Variants in PIP5KL1 observed in about 807,000 individuals in gnomAD.
The protein encoded by PIP5KL1 is phosphatidylinositol 4-phosphate 5-kinase-like protein 1.
Under a neutral mutation model 47.6 loss-of-function variants are expected in PIP5KL1, and 45 were observed. The observed-to-expected ratio is 0.94, with a 90% CI of 0.74 to 1.21. The LOEUF is 1.21. PIP5KL1 is among the 50% of genes most tolerant of loss of function. PIP5KL1 has a pLI of 0.00. For synonymous variants in PIP5KL1, 256 were observed against 234.6 expected (o/e 1.09, Z -0.84); for missense variants, 577 against 547.6 (o/e 1.05, Z -0.54).
In PIP5KL1 at chr9:127,921,996, C is replaced by T. The variant is rs1831289070; in HGVS notation, c.1036G>A (p.Val346Ile). The T allele has an allele frequency of 2.5e-6, 4 of 1,577,432 alleles. No homozygotes were observed. The highest frequency in any genetic ancestry group is 3.4e-6 in the Non-Finnish European group (4 of 1,162,764). ...CCGTAGACTGTGGCGAGATCCACGA[C>T]GCCCAGGAAATAGCGCTGCTCGGGC... ...DGPEQRYFLG[V>I]VDLATVYGLR... Residue 346 changes from valine (V) to isoleucine (I), a missense_variant, in exon 10 of 10, where the codon GTC becomes ATC. By Grantham distance (29) the Val-to-Ile change is conservative (BLOSUM62 3). Coordinates refer to ENST00000388747, the MANE Select transcript of PIP5KL1 (RefSeq NM_001135219.2).
chr9:127,927,368 A>T lies in PIP5KL1; in HGVS notation c.560-37T>A, dbSNP rs931957962. On this transcript the variant is annotated intron_variant, in intron 5 of 9. Transcript: ENST00000388747. This position sits in a 1 kb window ranked among gnomAD's most constrained non-coding sequence, Gnocchi z 5.5. ...GAGGGCGCCGGATGAGGATCCCCAAACTCCACAACCCGGGGTGCATCCGGC... is the reference window on the plus strand; with the variant it reads ...GAGGGCGCCGGATGAGGATCCCCAATCTCCACAACCCGGGGTGCATCCGGC... 2.5e-6 allele frequency: 4 copies of T among 1,586,994 alleles called. No individual in the cohort carries two copies. In the Admixed American group the frequency reaches 7.0e-5, roughly 28 times the overall value.
In PIP5KL1 at chr9:127,925,204, C is replaced by G. The variant is rs746158922; in HGVS notation, c.820G>C (p.Glu274Gln). 1 of 1,614,054 alleles carries G rather than the reference C, an allele frequency of 6.2e-7. No individual in the cohort carries two copies. The highest frequency in any genetic ancestry group is 2.2e-5 in the East Asian group (1 of 44,886). Residue 274 changes from glutamate (E) to glutamine (Q), a missense_variant, in exon 9 of 10, where the codon GAG (glutamate) becomes CAG (glutamine). Physicochemically the swap from Glu to Gln is conservative, Grantham distance 29. Transcript: ENST00000388747. ...AGGCTGTAATCCAGCACGTTGAGCT[C>G]CCGGAGGAAGGTGGTATCCAGTTCC... Reference protein sequence around the residue: ...QMELDTTFLRELNVLDYSLLI... With the variant: ...QMELDTTFLRQLNVLDYSLLI...
In PIP5KL1 at chr9:127,928,174, G is replaced by A; in HGVS notation, c.325C>T (p.Arg109Cys). 6.5e-7 allele frequency: 1 copy of A among 1,539,938 alleles called. No individual in the cohort carries two copies. Among genetic ancestry groups the A allele is most frequent in the Middle Eastern group, 1.7e-4 (1 of 5,774 alleles). Residue 109 changes from arginine to cysteine, a missense_variant, in exon 4 of 10, where the codon CGC becomes TGC. Coordinates refer to ENST00000388747, the MANE Select transcript of PIP5KL1 (RefSeq NM_001135219.2). ...TLAGPAFAWL[R>C]RSLGLAEEDY... ...TCCTCCGCCAGGCCCAGGGAGCGGC[G>A]CAGCCAGGCAAAGGCGGGGCCGGCC... is the stretch of plus-strand genomic sequence containing the variant.
chr9:127,929,630 A>G lies in PIP5KL1; in HGVS notation c.228+58T>C, dbSNP rs985357491. On this transcript the variant is annotated intron_variant, in intron 2 of 9. Coordinates refer to ENST00000388747, the MANE Select transcript of PIP5KL1 (RefSeq NM_001135219.2). The surrounding 1 kb of genome is among the most constrained non-coding windows in gnomAD (Gnocchi z 4.0). ...ACCTGCAGTTTCAGCCAGACAGGGC[A>G]TCAGCCAAGTCTTGCCATTGCTGGT... 98 of 1,447,630 alleles carry G rather than the reference A, an allele frequency of 6.8e-5. No homozygotes were observed. In the African/African-American group the frequency reaches 1.4e-3, roughly 20 times the overall value. 89.7% of individuals were successfully genotyped at this position (1,447,630 alleles called of 1,614,324 possible). A position where few individuals can be genotyped will look rare whatever the true frequency, so the allele number is the denominator to read the frequency against.
intron 3 of PIP5KL1, 56 bp downstream of exon 3, chr9:127,928,377 G>T: frequency 1.9e-6 from 3 of 1,559,260 alleles, no homozygotes; most frequent in Non-Finnish European, 2.6e-6. Flanking sequence ...GAAAACTGCA[G>T]AGGAGAGAGC....
At position 127,925,181 on chromosome 9, in the gene PIP5KL1, G is replaced by A. The variant is rs752505484; in HGVS notation, c.843C>T (p.Ser281=). The A allele has an allele frequency of 1.9e-6, 3 of 1,614,158 alleles. No homozygotes were observed. Among genetic ancestry groups the A allele is most frequent in the Non-Finnish European group, 2.5e-6 (3 of 1,180,038 alleles). Reference sequence around the variant, plus strand: ...GGAGACGTTGGAAGGCTATCAGGAGGCTGTAATCCAGCACGTTGAGCTCCC... The same window carrying A: ...GGAGACGTTGGAAGGCTATCAGGAGACTGTAATCCAGCACGTTGAGCTCCC... ...FLRELNVLDY[S]LLIAFQRLHE... Residue 281 remains serine, a synonymous_variant, in exon 9 of 10, where the codon AGC becomes AGT. Coordinates refer to ENST00000388747, the MANE Select transcript of PIP5KL1 (RefSeq NM_001135219.2).
At chr9:127,928,811 G>T in intron 2 of PIP5KL1, 1 of 380,188 alleles carries the variant, frequency 2.6e-6, no homozygotes, top group South Asian at 3.4e-5. Context: ...CCAGTACAAG[G>T]GGGTGGCCCT....
At position 127,929,707 on chromosome 9, in the gene PIP5KL1, G is replaced by A; in HGVS notation, c.209C>T (p.Ser70Phe). ...QAGLWAATQV[S>F]MDHPPTGPPS... ...ACTCACCGTGGGTGGGTGGTCCATG[G>A]AGACCTGGGTGGCAGCCCACAGCCC... The change falls in exon 2 of 10, where the codon TCC becomes TTC. Residue 70 changes from serine to phenylalanine, a missense_variant. Coordinates refer to ENST00000388747, the MANE Select transcript of PIP5KL1 (RefSeq NM_001135219.2). The surrounding 1 kb of genome is among the most constrained non-coding windows in gnomAD (Gnocchi z 4.0). 1 of 1,580,296 alleles carries A rather than the reference G, an allele frequency of 6.3e-7. No individual in the cohort carries two copies. Among genetic ancestry groups the A allele is most frequent in the Non-Finnish European group, 8.6e-7 (1 of 1,160,966 alleles).
In PIP5KL1 at chr9:127,929,710, A is replaced by T; in HGVS notation, c.206T>A (p.Val69Asp). ...MQAGLWAATQVSMDHPPTGPP... is the reference protein window; with the variant it reads ...MQAGLWAATQDSMDHPPTGPP... ...CACCGTGGGTGGGTGGTCCATGGAGACCTGGGTGGCAGCCCACAGCCCTGC... is the reference window on the plus strand; with the variant it reads ...CACCGTGGGTGGGTGGTCCATGGAGTCCTGGGTGGCAGCCCACAGCCCTGC... The change falls in exon 2 of 10, where the codon GTC becomes GAC. Residue 69 changes from valine (V) to aspartate (D), a missense_variant. Coordinates refer to ENST00000388747, the MANE Select transcript of PIP5KL1 (RefSeq NM_001135219.2). The surrounding 1 kb of genome is among the most constrained non-coding windows in gnomAD (Gnocchi z 4.0). The T allele has an allele frequency of 6.3e-7, 1 of 1,582,026 alleles. No homozygotes were observed. Among genetic ancestry groups the T allele is most frequent in the South Asian group, 1.2e-5 (1 of 86,850 alleles).
chr9:127,923,404 G>A (rs1340832655), intron 9 of PIP5KL1, among the ~76,000 whole-genome samples: 5 of 152,372 alleles, frequency 3.3e-5, no homozygotes, highest in Admixed American at 2.6e-4. Flanking sequence ...GAACTGGGTT[G>A]GGGTGGGGCT....
rs956601021 is a variant in PIP5KL1, at chr9:127,921,002, C to G, written c.*845G>C. The G allele has an allele frequency of 6.6e-6, 1 of 152,316 alleles. No individual in the cohort carries two copies. Among genetic ancestry groups the G allele is most frequent in the Non-Finnish European group, 1.5e-5 (1 of 68,116 alleles). 9.4% of individuals were successfully genotyped at this position (152,316 alleles called of 1,614,324 possible). On this transcript the variant is annotated 3_prime_UTR_variant, in exon 10 of 10. Coordinates refer to ENST00000388747, the MANE Select transcript of PIP5KL1 (RefSeq NM_001135219.2). ...TTGCTCCAGTCACACAGCCAGGCCCCGGAGCAGTTCTGGAGGAAAGGCCCG... is the reference window on the plus strand; with the variant it reads ...TTGCTCCAGTCACACAGCCAGGCCCGGGAGCAGTTCTGGAGGAAAGGCCCG...
chr9:127,926,103 A>C, intron 7 of PIP5KL1, 124 bp from the exon 8 acceptor site: 1 of 504,690 alleles, frequency 2.0e-6, no homozygotes, highest in Non-Finnish European at 3.4e-6. Flanking sequence ...TCCTCAGCAC[A>C]ACCCTGGCCT....
At chr9:127,930,382 G>T (rs1427877079) in intron 1 of PIP5KL1, among the ~76,000 whole-genome samples, 1 of 152,356 alleles carries the variant, frequency 6.6e-6, no homozygotes, top group East Asian at 1.9e-4. Flanking sequence ...GCACGGAGGG[G>T]CCAGCACGAT....
intron 7 of PIP5KL1, 88 bp from the exon 8 acceptor site, chr9:127,926,067 T>C: frequency 1.2e-6 from 1 of 852,390 alleles, no homozygotes. Flanking sequence ...TTATGTGCAC[T>C]GAACTATTAC....
At position 127,929,828 on chromosome 9, in the gene PIP5KL1, GC is replaced by G; in HGVS notation, c.87del (p.Leu30PhefsTer26). 2 of 1,547,582 alleles carry G rather than the reference GC, an allele frequency of 1.3e-6. No homozygotes were observed. Among genetic ancestry groups the G allele is most frequent in the Non-Finnish European group, 8.7e-7 (1 of 1,146,764 alleles). On this transcript the variant is annotated frameshift_variant, in exon 2 of 10. Transcript: ENST00000388747. LOFTEE classifies it high-confidence loss of function. The surrounding 1 kb of genome is among the most constrained non-coding windows in gnomAD (Gnocchi z 4.0). ...TGCTTGTCTCGGAGGCGCCAGAGAA[GC>G]CCCCGCCGGCTGGAGGTGACTGCTC... Reference protein sequence around the residue: ...GCRAVTSSRRGLLWRLRDKQS... With the variant: ...GCRAVTSSRRXLLWRLRDKQS...
At chr9:127,928,715 C>T in intron 2 of PIP5KL1, 2 of 575,362 alleles carry the variant, frequency 3.5e-6, no homozygotes, top group Non-Finnish European at 6.2e-6. Context: ...GTATCTCATC[C>T]ACTCTGGATC....
rs755198922 is a variant in PIP5KL1 at position 127,930,732 on chromosome 9, C to A, written c.21G>T (p.Gly7=). Residue 7 remains glycine (G), a synonymous_variant, in exon 1 of 10, where the codon GGG becomes GGT. Coordinates refer to ENST00000388747, the MANE Select transcript of PIP5KL1 (RefSeq NM_001135219.2). ...TCGGGTCCGCACCTACCTCGCGGGGCCCCGGGCTCGGCGCAGCCATCGCCC... is the reference window on the plus strand; with the variant it reads ...TCGGGTCCGCACCTACCTCGCGGGGACCCGGGCTCGGCGCAGCCATCGCCC... MAAPSP[G]PREVLAPSPE... 1 of 1,568,664 alleles carries A rather than the reference C, an allele frequency of 6.4e-7. No individual in the cohort carries two copies. Among genetic ancestry groups the A allele is most frequent in the South Asian group, 1.2e-5 (1 of 84,714 alleles).
intron 8 of PIP5KL1, 189 bp from the exon 9 acceptor site, chr9:127,925,449 A>T (rs1432424739): frequency 9.8e-6 from 6 of 613,288 alleles, no homozygotes; most frequent in Admixed American, 6.5e-5. Context: ...GCTCTGCCTG[A>T]TTCCAGAATC....
At chr9:127,930,685 C>T (rs1177803788) in intron 1 of PIP5KL1, 38 bp downstream of exon 1, 2 of 1,536,342 alleles carry the variant, frequency 1.3e-6, no homozygotes, top group Non-Finnish European at 1.8e-6. Context: ...TGCCCACCAA[C>T]CCTTCCCTCT....
Sources: gnomAD v4.1 joint callset for allele counts (sites outside exome capture counted in the v4.1 genomes callset) on GRCh38, gnomAD v4.1.1 for gene constraint, Gnocchi (gnomAD v3.1) non-coding constraint, MANE v1.5 for transcripts, NCBI Gene and HGNC (gene_info 2026-07-23, HGNC 2026-07-21) for gene names.